The following ASAP2 variants were observed in gnomAD, a reference collection of about 807,000 sequenced individuals.
The protein encoded by ASAP2 is arf-GAP with SH3 domain, ANK repeat and PH domain-containing protein 2.
A neutral mutation model predicts 131.4 loss-of-function variants in ASAP2; 45 were observed. The observed-to-expected ratio is 0.34, with a 90% confidence interval of 0.27 to 0.44. ASAP2 has a LOEUF of 0.44. ASAP2 is among the 20% of genes least tolerant of loss of function. ASAP2 has a pLI of 1.00. For synonymous variants in ASAP2, 510 were observed against 503.0 expected (o/e 1.01, Z -0.19); for missense variants, 1,011 against 1,297.0 (o/e 0.78, Z 3.39).
intron 1 of ASAP2, among the ~76,000 whole-genome samples, chr2:9,255,003 A>T (rs1338109327): frequency 1.3e-5 from 2 of 152,256 alleles, no homozygotes; most frequent in Non-Finnish European, 2.9e-5. Flanking sequence ...AAATGCTGCC[A>T]TCCCATTTTC....
intron 1 of ASAP2, among the ~76,000 whole-genome samples, chr2:9,229,540 CTAGG>C (rs1162381303): frequency 6.6e-6 from 1 of 152,164 alleles, no homozygotes; most frequent in Non-Finnish European, 1.5e-5. Flanking sequence ...CAGCATGTGT[CTAGG>C]GAGGAGCGGA....
chr2:9,380,754 A>G lies in ASAP2; in HGVS notation c.1962A>G (p.Gly654=). 6.2e-7 allele frequency: 1 copy of G among 1,614,150 alleles called. No individual in the cohort carries two copies. Among genetic ancestry groups the G allele is most frequent in the South Asian group, 1.1e-5 (1 of 91,080 alleles). Residue 654 remains glycine (G), a synonymous_variant, in exon 20 of 28, where the codon GGA becomes GGG. Coordinates refer to ENST00000281419, the MANE Select transcript of ASAP2 (RefSeq NM_003887.3). ...CTTGAATTTTAGCAAACGAGTCAGG[A>G]GAGACTCCGCTGGACATTGCCAAGC... The part of the protein sequence containing the change: ...KASIEIANES[G]ETPLDIAKRL...
At chr2:9,396,146 A>G (rs1676130785) in intron 24 of ASAP2, among the ~76,000 whole-genome samples, 1 of 152,036 alleles carries the variant, frequency 6.6e-6, no homozygotes. Context: ...ATTTTTGGCT[A>G]ATTCTTCTGC....
intron 9 of ASAP2, among the ~76,000 whole-genome samples, chr2:9,343,690 G>A (rs767032136): frequency 1.3e-5 from 2 of 152,164 alleles, no homozygotes; most frequent in African/African-American, 4.8e-5. Context: ...CAAGCCATCC[G>A]CCCACCTTGG....
intron 20 of ASAP2, among the ~76,000 whole-genome samples, chr2:9,381,454 C>T (rs1300619714): frequency 6.6e-6 from 1 of 152,218 alleles, no homozygotes; most frequent in East Asian, 1.9e-4. Flanking sequence ...TAGATTAAGG[C>T]CAGGCACAGT....
At position 9,335,182 on chromosome 2, in the gene ASAP2, G is replaced by A; in HGVS notation, c.849+3G>A. 1 of 1,613,766 alleles carries A rather than the reference G, an allele frequency of 6.2e-7. No homozygotes were observed. Among genetic ancestry groups the A allele is most frequent in the Non-Finnish European group, 8.5e-7 (1 of 1,179,668 alleles). ...CATTGCAGGTTGAACAGAAAGAGGT[G>A]AGGGGATTTAATTTTGAAAGATTGC... On this transcript the variant is annotated splice_donor_region_variant and intron_variant, in intron 9 of 27. Transcript: ENST00000281419.
In ASAP2 at chr2:9,318,545, A is replaced by G. The variant is rs780655052; in HGVS notation, c.367A>G (p.Ile123Val). The change falls in exon 4 of 28, where the codon ATC (isoleucine) becomes GTC (valine). Residue 123 changes from isoleucine to valine, a missense_variant. Physicochemically the swap from Ile to Val is conservative, Grantham distance 29. Around this residue, in one of 2 missense-constraint regions of ASAP2, gnomAD observed 359 missense variants for 598.1 expected, o/e 0.60. Transcript: ENST00000281419. ...TTAGATTCAGAATATGAACAACATA[A>G]TCTCCTTCCCTTTGGACAGTTTGCT... ...KNLIQNMNNI[I>V]SFPLDSLLKG... 2.5e-6 allele frequency: 4 copies of G among 1,613,328 alleles called. No individual in the cohort carries two copies. The East Asian group carries it at 6.7e-5, about 27-fold the overall frequency.
At position 9,396,840 on chromosome 2, in the gene ASAP2, A is replaced by T. The variant is rs543137840; in HGVS notation, c.2685-3183A>T. Among the ~76,000 whole-genome samples the T allele has an allele frequency of 1.5e-3, 222 of 152,256 alleles. 1 individual carries two copies. The highest frequency in any genetic ancestry group is 5.3e-3 in the African/African-American group (220 of 41,526). ...AACATGGCAAAACCCTATCTCTACT[A>T]AAATTACAAAAATTAGCCGGGCATG... On this transcript the variant is annotated intron_variant, in intron 24 of 27. Transcript: ENST00000281419.
At position 9,263,679 on chromosome 2, in the gene ASAP2, A is replaced by C. The variant is rs111902053; in HGVS notation, c.127-15638A>C. ...GGGCGCTGCTTCCTTAAACTGCAGG[A>C]GGCTGCAGCCTCTCGTTGTTCATGC... On this transcript the variant is annotated intron_variant, in intron 1 of 27. Coordinates refer to ENST00000281419, the MANE Select transcript of ASAP2 (RefSeq NM_003887.3). 3.4e-3 allele frequency among the ~76,000 whole-genome samples: 512 copies of C among 152,184 alleles called. 4 individuals carry two copies. The highest frequency in any genetic ancestry group is 0.012 in the African/African-American group (483 of 41,526).
chr2:9,296,329 C>A (rs769498164), intron 2 of ASAP2, among the ~76,000 whole-genome samples: 6 of 152,214 alleles, frequency 3.9e-5, no homozygotes, highest in Admixed American at 2.0e-4. Flanking sequence ...TGTGTCCCCT[C>A]CCCCATTCCT....
At chr2:9,340,719 CA>C (rs1322805750) in intron 9 of ASAP2, among the ~76,000 whole-genome samples, 1 of 152,164 alleles carries the variant, frequency 6.6e-6, no homozygotes, top group East Asian at 1.9e-4. Context: ...AAGAAGTGGG[CA>C]AAATGTCAGT....
intron 1 of ASAP2, among the ~76,000 whole-genome samples, chr2:9,275,528 G>C (rs116225519): frequency 0.029 from 4,415 of 152,278 alleles, 204 homozygotes; most frequent in African/African-American, 0.1. Flanking sequence ...CTACTGCCCA[G>C]CTTTAGCCCT....
At chr2:9,226,232 C>A (rs1662759339) in intron 1 of ASAP2, among the ~76,000 whole-genome samples, 1 of 152,204 alleles carries the variant, frequency 6.6e-6, no homozygotes, top group East Asian at 1.9e-4. Flanking sequence ...AATCTTATCT[C>A]TACTTTTAAG....
intron 9 of ASAP2, among the ~76,000 whole-genome samples, chr2:9,335,871 T>C (rs1402138513): frequency 1.3e-5 from 2 of 152,232 alleles, no homozygotes; most frequent in African/African-American, 4.8e-5. Flanking sequence ...ATAAAAGGAA[T>C]GTATCTAAAC....
intron 7 of ASAP2, among the ~76,000 whole-genome samples, chr2:9,333,843 G>A (rs2148557845): frequency 6.6e-6 from 1 of 152,230 alleles, no homozygotes; most frequent in Non-Finnish European, 1.5e-5. Context: ...AGCCTCTGTT[G>A]TATTTCCTGA....
chr2:9,348,345 G>A (rs76093336), intron 11 of ASAP2, among the ~76,000 whole-genome samples: 6,615 of 152,114 alleles, frequency 0.043, 179 homozygotes, highest in Non-Finnish European at 0.066. Context: ...GGCTGATCTG[G>A]AACTCCTGAT....
In ASAP2 at chr2:9,241,115, T is replaced by G. The variant is rs894539875; in HGVS notation, c.126+33885T>G. ...TGTGGTTAGTGGAAACTGTGGAAAA[T>G]GAAACTGTGGATAAGAGGGTAGTAC... On this transcript the variant is annotated intron_variant, in intron 1 of 27. Transcript: ENST00000281419. 3.3e-5 allele frequency among the ~76,000 whole-genome samples: 5 copies of G among 152,180 alleles called. No individual in the cohort carries two copies. The East Asian group carries it at 9.6e-4, about 29-fold the overall frequency.
Position 9,306,144 on chromosome 2 carries a change from G to T in ASAP2, c.345+8699G>T, listed in dbSNP as rs560587885. The stretch of plus-strand genomic sequence containing the variant: ...TGGTGGAGGGGCTGGCGTAGTGGGG[G>T]TGTAGACATGGGGTGGAGGGGCTCT... On this transcript the variant is annotated intron_variant, in intron 3 of 27. Transcript: ENST00000281419. 1.7e-4 allele frequency among the ~76,000 whole-genome samples: 25 copies of T among 147,826 alleles called. No homozygotes were observed. In the South Asian group the frequency reaches 4.8e-3, roughly 28 times the overall value.
intron 1 of ASAP2, among the ~76,000 whole-genome samples, chr2:9,241,759 T>C (rs983058315): frequency 6.6e-6 from 1 of 152,202 alleles, no homozygotes; most frequent in Non-Finnish European, 1.5e-5. Context: ...TTAGTGAGTA[T>C]ATGCCAGACA....
Sources: allele counts gnomAD v4.1 joint callset (sites outside exome capture counted in the v4.1 genomes callset), GRCh38; gene constraint gnomAD v4.1.1; regional missense constraint gnomAD v4.1.1; transcripts MANE v1.5; gene names NCBI Gene and HGNC (gene_info 2026-07-23, HGNC 2026-07-21).